The following CADM2 variants were observed in gnomAD, a reference collection of about 807,000 sequenced individuals.
CADM2 encodes cell adhesion molecule 2.
A neutral mutation model predicts 49.8 loss-of-function variants in CADM2; 12 were observed. The observed-to-expected ratio is 0.24, with a 90% CI of 0.15 to 0.39. The LOEUF (loss-of-function observed/expected upper bound fraction) is 0.39, where lower values mean the gene tolerates loss of function less well. CADM2 is among the 10% of genes least tolerant of loss of function. The pLI, the probability that CADM2 is intolerant of heterozygous loss-of-function variation, is 1.00. For synonymous variants in CADM2, 214 were observed against 175.4 expected (o/e 1.22, Z -1.74); for missense variants, 378 against 492.3 (o/e 0.77, Z 2.20).
intron 2 of CADM2, among the ~76,000 whole-genome samples, chr3:85,750,645 G>C (rs566871911): frequency 2.0e-5 from 3 of 152,058 alleles, no homozygotes; most frequent in Non-Finnish European, 4.4e-5. Flanking sequence ...AGATTCTTTA[G>C]TGGGGCATTT....
intron 2 of CADM2, among the ~76,000 whole-genome samples, chr3:85,757,343 AGTTCTTG>A (rs754375396): frequency 3.9e-5 from 6 of 152,136 alleles, no homozygotes; most frequent in Non-Finnish European, 8.8e-5. Context: ...ACAAATATTA[AGTTCTTG>A]GTTTAGAGAA....
At chr3:85,186,524 G>A (rs1202316960) in intron 1 of CADM2, among the ~76,000 whole-genome samples, 1 of 151,812 alleles carries the variant, frequency 6.6e-6, no homozygotes, top group Non-Finnish European at 1.5e-5. Flanking sequence ...ATACCTTTAT[G>A]TGGTATAAAG....
intron 1 of CADM2, among the ~76,000 whole-genome samples, chr3:85,541,214 CA>C (rs1187324373): frequency 6.6e-6 from 1 of 150,802 alleles, no homozygotes; most frequent in Non-Finnish European, 1.5e-5. Flanking sequence ...CACATATATA[CA>C]TTTATACATT....
At chr3:85,130,048 A>G (rs1179552925) in intron 1 of CADM2, among the ~76,000 whole-genome samples, 1 of 152,218 alleles carries the variant, frequency 6.6e-6, no homozygotes, top group Non-Finnish European at 1.5e-5. Flanking sequence ...TCCCAGCTTA[A>G]GTTATCCATT....
At chr3:85,659,208 C>T (rs1264883837) in intron 1 of CADM2, among the ~76,000 whole-genome samples, 1 of 151,818 alleles carries the variant, frequency 6.6e-6, no homozygotes, top group Non-Finnish European at 1.5e-5. Context: ...TTGACAGCCT[C>T]ATCGTAACTG....
At position 85,688,692 on chromosome 3, in the gene CADM2, CA is replaced by C. The variant is rs1223897870; in HGVS notation, c.62-37828del. 5.3e-5 allele frequency among the ~76,000 whole-genome samples: 8 copies of C among 151,990 alleles called. No homozygotes were observed. The East Asian group carries it at 1.6e-3, about 30-fold the overall frequency. ...AAACAATTCTTCTGCCTCAGCCTCC[CA>C]AGTAGCTGAGATTACAGGCACCCAC... is the stretch of plus-strand genomic sequence containing the variant. On this transcript the variant is annotated intron_variant, in intron 1 of 9. Transcript: ENST00000383699.
At chr3:85,565,326 A>G (rs1486949010) in intron 1 of CADM2, among the ~76,000 whole-genome samples, 1 of 152,108 alleles carries the variant, frequency 6.6e-6, no homozygotes, top group Non-Finnish European at 1.5e-5. Context: ...ACTGACATTT[A>G]GAGTGTATAA....
chr3:85,938,815 A>T (rs1451140853), intron 7 of CADM2, among the ~76,000 whole-genome samples: 1 of 151,998 alleles, frequency 6.6e-6, no homozygotes, highest in Admixed American at 6.6e-5. Context: ...TATCATCTTT[A>T]TCATTTATCT....
Position 85,342,997 on chromosome 3 carries a change from A to G in CADM2, c.61+383329A>G, listed in dbSNP as rs1049392531. Among the ~76,000 whole-genome samples the G allele has an allele frequency of 2.0e-5, 3 of 152,306 alleles. 1 individual carries two copies. In the East Asian group the frequency reaches 5.8e-4, roughly 29 times the overall value. On this transcript the variant is annotated intron_variant, in intron 1 of 9. Coordinates refer to ENST00000383699, the MANE Select transcript of CADM2 (RefSeq NM_001167675.2). ...TAATACATGAGTTTTGCTTTTTTCCATAATACATTGTAAGGTCTAGACCAG... is the reference window on the plus strand; with the variant it reads ...TAATACATGAGTTTTGCTTTTTTCCGTAATACATTGTAAGGTCTAGACCAG...
In CADM2 at chr3:85,759,356, G is replaced by A. The variant is rs139192797; in HGVS notation, c.88+32808G>A. Among the ~76,000 whole-genome samples, 427 of 152,078 alleles carry A rather than the reference G, an allele frequency of 2.8e-3. 1 individual carries two copies. The highest frequency in any genetic ancestry group is 9.9e-3 in the African/African-American group (412 of 41,518). ...ATCAAAATGTTATGTTTTAACACACGAATATGGTCTACTATATAAGCATTT... is the reference window on the plus strand; with the variant it reads ...ATCAAAATGTTATGTTTTAACACACAAATATGGTCTACTATATAAGCATTT... On this transcript the variant is annotated intron_variant, in intron 2 of 9. Coordinates refer to ENST00000383699, the MANE Select transcript of CADM2 (RefSeq NM_001167675.2).
intron 2 of CADM2, among the ~76,000 whole-genome samples, chr3:85,736,226 T>C (rs2068128772): frequency 6.6e-6 from 1 of 152,188 alleles, no homozygotes; most frequent in African/African-American, 2.4e-5. Flanking sequence ...TAAGTCAAGA[T>C]AGATACAAAT....
chr3:85,624,717 C>T (rs534344900), intron 1 of CADM2, among the ~76,000 whole-genome samples: 1 of 152,190 alleles, frequency 6.6e-6, no homozygotes, highest in South Asian at 2.1e-4. Context: ...TAGTCTCCTA[C>T]TTCATTCACA....
chr3:85,802,795 G>A (rs930167634), intron 3 of CADM2, among the ~76,000 whole-genome samples: 2 of 151,926 alleles, frequency 1.3e-5, no homozygotes, highest in African/African-American at 4.8e-5. Flanking sequence ...AGAGAAAAAA[G>A]GAAATTCATC....
chr3:85,785,326 T>C (rs2108010172), intron 2 of CADM2, among the ~76,000 whole-genome samples: 1 of 152,264 alleles, frequency 6.6e-6, no homozygotes, highest in Non-Finnish European at 1.5e-5. Flanking sequence ...GGGTTCAGTT[T>C]GTACTTGCTT....
At chr3:85,418,752 C>A (rs1481261918) in intron 1 of CADM2, among the ~76,000 whole-genome samples, 1 of 152,000 alleles carries the variant, frequency 6.6e-6, no homozygotes, top group Non-Finnish European at 1.5e-5. Flanking sequence ...GTATACTTCA[C>A]TCTCATTTCC....
intron 1 of CADM2, among the ~76,000 whole-genome samples, chr3:84,973,014 A>C (rs895938680): frequency 6.6e-6 from 1 of 152,160 alleles, no homozygotes. Context: ...TCCCAGGTTC[A>C]AGCAATTCCA....
intron 1 of CADM2, among the ~76,000 whole-genome samples, chr3:85,151,858 A>G (rs1178354732): frequency 1.3e-5 from 2 of 152,192 alleles, no homozygotes; most frequent in African/African-American, 4.8e-5. Context: ...ATTGACTTGA[A>G]CAAATCATTA....
At chr3:86,010,111 G>A (rs1731316010) in intron 8 of CADM2, among the ~76,000 whole-genome samples, 1 of 151,772 alleles carries the variant, frequency 6.6e-6, no homozygotes, top group African/African-American at 2.4e-5. Context: ...ATTTCATATT[G>A]ATGACAGTAT....
chr3:85,188,759 C>T (rs1276394095), intron 1 of CADM2, among the ~76,000 whole-genome samples: 5 of 151,988 alleles, frequency 3.3e-5, no homozygotes, highest in African/African-American at 1.2e-4. Context: ...AGGCCAGGCG[C>T]AGTGGCTCAC....
Sources: allele counts gnomAD v4.1 joint callset (sites outside exome capture counted in the v4.1 genomes callset), GRCh38; gene constraint gnomAD v4.1.1; transcripts MANE v1.5; gene names NCBI Gene and HGNC (gene_info 2026-07-23, HGNC 2026-07-21).